Variants in BTAF1 observed in about 807,000 individuals in gnomAD.
BTAF1 encodes B-TFIID TATA-box binding protein associated factor 1.
A neutral mutation model predicts 227.1 loss-of-function variants in BTAF1; 38 were observed. The observed-to-expected ratio is 0.17, with a 90% CI of 0.13 to 0.22. BTAF1 has a LOEUF of 0.22. Among genes scored for constraint, BTAF1 ranks in the 10% least tolerant of loss-of-function variants. The pLI is 1.00. For synonymous variants in BTAF1, 742 were observed against 751.9 expected (o/e 0.99, Z 0.21); for missense variants, 1,598 against 2,204.0 (o/e 0.73, Z 5.51).
chr10:91,927,325 A>G lies in BTAF1; in HGVS notation c.14+3235A>G, dbSNP rs763146097. ...GGCTAATTTTGTATTTTTAGTAGAG[A>G]TGGGGTTTCTCCATGTTGGTCAGGC... On this transcript the variant is annotated intron_variant, in intron 1 of 37. Coordinates refer to ENST00000265990, the MANE Select transcript of BTAF1 (RefSeq NM_003972.3). 1.5e-4 allele frequency among the ~76,000 whole-genome samples: 23 copies of G among 151,970 alleles called. 1 individual carries two copies. The highest frequency in any genetic ancestry group is 3.4e-4 in the Non-Finnish European group (23 of 67,992).
At chr10:91,928,707 A>G (rs563725890) in intron 1 of BTAF1, among the ~76,000 whole-genome samples, 3 of 150,054 alleles carry the variant, frequency 2.0e-5, no homozygotes, top group African/African-American at 7.4e-5. Context: ...GGTAAAAGCA[A>G]CCTTTGCGAT....
chr10:92,019,909 T>TG (rs1444816607), intron 34 of BTAF1, among the ~76,000 whole-genome samples: 8 of 137,050 alleles, frequency 5.8e-5, no homozygotes, highest in Admixed American at 5.2e-4. Context: ...TTTTTTTTAA[T>TG]GGGGGTCTCA....
At chr10:91,954,671 C>T (rs928992442) in intron 6 of BTAF1, among the ~76,000 whole-genome samples, 2 of 152,156 alleles carry the variant, frequency 1.3e-5, no homozygotes, top group Non-Finnish European at 2.9e-5. Flanking sequence ...AATCCTCCTG[C>T]CTCAGCCTCC....
chr10:91,992,624 C>A (rs1848873670), intron 21 of BTAF1, among the ~76,000 whole-genome samples: 1 of 152,158 alleles, frequency 6.6e-6, no homozygotes, highest in Non-Finnish European at 1.5e-5. Context: ...TTTCAATGCA[C>A]AAATGTCATA....
rs1046151959 is a variant in BTAF1, at chr10:91,943,763, C to T, written c.400+1195C>T. Among the ~76,000 whole-genome samples the T allele has an allele frequency of 3.9e-5, 6 of 152,230 alleles. No individual in the cohort carries two copies. In the East Asian group the frequency reaches 1.2e-3, roughly 29 times the overall value. On this transcript the variant is annotated intron_variant, in intron 4 of 37. Transcript: ENST00000265990. Reference sequence around the variant, plus strand: ...AGTTTACTAACTTTACTAGTGTATTCATGGACATTATCAGAGATCAAAATT... The same window carrying T: ...AGTTTACTAACTTTACTAGTGTATTTATGGACATTATCAGAGATCAAAATT...
chr10:91,939,859 C>T, intron 2 of BTAF1, 93 bp from the exon 3 acceptor site: 7 of 701,302 alleles, frequency 1.0e-5, no homozygotes, highest in African/African-American at 5.4e-5. Context: ...CCAAATTACA[C>T]ATTAATAACA....
chr10:91,985,280 TG>T (rs1324554342), intron 19 of BTAF1, among the ~76,000 whole-genome samples: 2 of 148,492 alleles, frequency 1.3e-5, no homozygotes, highest in Non-Finnish European at 3.0e-5. Flanking sequence ...ATGGTATTTT[TG>T]AAACTAATCT....
At chr10:92,007,090 T>A (rs548328756) in intron 25 of BTAF1, among the ~76,000 whole-genome samples, 1 of 151,712 alleles carries the variant, frequency 6.6e-6, no homozygotes. Flanking sequence ...CAGATTGTAC[T>A]TTGATAAGCA....
Position 92,030,334 on chromosome 10 carries a change from A to G in BTAF1, c.*1401A>G, listed in dbSNP as rs1329077430. 2 of 152,622 alleles carry G rather than the reference A, an allele frequency of 1.3e-5. No individual in the cohort carries two copies. Among genetic ancestry groups the G allele is most frequent in the Non-Finnish European group, 2.9e-5 (2 of 67,988 alleles). The allele number at this position is 152,622 out of a possible 1,614,324, so 9.5% of individuals were successfully genotyped here. On this transcript the variant is annotated 3_prime_UTR_variant, in exon 38 of 38. Coordinates refer to ENST00000265990, the MANE Select transcript of BTAF1 (RefSeq NM_003972.3). ...AGATTGAAACTGTAAAATATATGCA[A>G]CTGTGTGTTATTTGTAGGAAATGGT...
intron 25 of BTAF1, among the ~76,000 whole-genome samples, chr10:92,007,497 A>G (rs1850004240): frequency 6.6e-6 from 1 of 152,112 alleles, no homozygotes; most frequent in Non-Finnish European, 1.5e-5. Flanking sequence ...GGCTGGGATT[A>G]CTGGTGCGAG....
chr10:92,022,891 C>T (rs1851240776), intron 34 of BTAF1, among the ~76,000 whole-genome samples: 1 of 152,062 alleles, frequency 6.6e-6, no homozygotes. Context: ...CCCTAGTATA[C>T]CATATTCTAC....
intron 12 of BTAF1, among the ~76,000 whole-genome samples, chr10:91,963,157 G>C (rs1564677387): frequency 6.6e-6 from 1 of 151,910 alleles, no homozygotes; most frequent in Non-Finnish European, 1.5e-5. Flanking sequence ...ACCCAGGCCA[G>C]AGTGCAGTGG....
At chr10:92,022,063 TC>T (rs1851176836) in intron 34 of BTAF1, among the ~76,000 whole-genome samples, 1 of 152,110 alleles carries the variant, frequency 6.6e-6, no homozygotes, top group Admixed American at 6.5e-5. Flanking sequence ...AGTCTAGTAA[TC>T]AACTTTTCAA....
chr10:91,927,094 C>T (rs75632599), intron 1 of BTAF1, among the ~76,000 whole-genome samples: 20,846 of 151,726 alleles, frequency 0.14, 1,703 homozygotes, highest in East Asian at 0.22. Flanking sequence ...CTTCTTAGCC[C>T]CATCTCAGGT....
intron 19 of BTAF1, among the ~76,000 whole-genome samples, chr10:91,988,071 A>G (rs1207319883): frequency 6.6e-6 from 1 of 152,170 alleles, no homozygotes; most frequent in African/African-American, 2.4e-5. Context: ...ACCAAGCATA[A>G]GTGTTATCCT....
rs118105966 is a variant in BTAF1, at chr10:91,985,954, T to C, written c.2427+1550T>C. Among the ~76,000 whole-genome samples, 128 of 152,278 alleles carry C rather than the reference T, an allele frequency of 8.4e-4. 2 individuals are homozygous for C. The East Asian group carries it at 0.02, about 24-fold the overall frequency. On this transcript the variant is annotated intron_variant, in intron 19 of 37. Transcript: ENST00000265990. ...GCTGTCTTTGGATGAGCAGATATTT[T>C]AAATTTTGGTGAATTCTAATTTATC...
Position 91,993,749 on chromosome 10 carries a change from T to C in BTAF1, c.3101T>C (p.Ile1034Thr), listed in dbSNP as rs1319389918. ...RRGAEFALTT[I>T]VKHFGGEMAV... ...GGAGCTGAATTTGCTTTGACAACTA[T>C]AGTAAAGCATTTTGGTGGTGAAATG... The change falls in exon 22 of 38, where the codon ATA (isoleucine) becomes ACA (threonine). Residue 1034 changes from isoleucine to threonine, a missense_variant. Physicochemically the swap from Ile to Thr is moderately conservative, Grantham distance 89 (BLOSUM62 -1). Around this residue, in one of 10 missense-constraint regions of BTAF1, gnomAD observed 425 missense variants for 491.2 expected, o/e 0.87. Transcript: ENST00000265990. 3 of 1,603,168 alleles carry C rather than the reference T, an allele frequency of 1.9e-6. No homozygotes were observed. The highest frequency in any genetic ancestry group is 2.6e-6 in the Non-Finnish European group (3 of 1,173,398).
chr10:91,938,948 A>G (rs1334705504), intron 2 of BTAF1, among the ~76,000 whole-genome samples: 3 of 141,228 alleles, frequency 2.1e-5, no homozygotes, highest in South Asian at 4.6e-4. Flanking sequence ...TTGCATATAC[A>G]TTTTAGGATC....
chr10:92,029,012 T>A lies in BTAF1; in HGVS notation c.*79T>A, dbSNP rs1851722718. The A allele has an allele frequency of 7.3e-7, 1 of 1,362,348 alleles. No individual in the cohort carries two copies. The highest frequency in any genetic ancestry group is 2.5e-5 in the Admixed American group (1 of 40,342). 84.4% of individuals were successfully genotyped at this position (1,362,348 alleles called of 1,614,324 possible). On this transcript the variant is annotated 3_prime_UTR_variant, in exon 38 of 38. Transcript: ENST00000265990. ...ATTCAGCAAATTTCTAAGTTTATGG[T>A]GAACTTTTAACTCAATGTGTAAATA... is the stretch of plus-strand genomic sequence containing the variant.
Sources: gnomAD v4.1 joint callset for allele counts (sites outside exome capture counted in the v4.1 genomes callset) on GRCh38, gnomAD v4.1.1 for gene constraint, gnomAD v4.1.1 regional missense constraint, MANE v1.5 for transcripts, NCBI Gene and HGNC (gene_info 2026-07-23, HGNC 2026-07-21) for gene names.